BNIP1: variants seen among roughly 807,000 people sequenced by gnomAD.
BNIP1 encodes vesicle transport protein SEC20.
Under a neutral mutation model 28.5 loss-of-function variants are expected in BNIP1, and 25 were observed. That is an observed-to-expected ratio of 0.88 (90% CI 0.64 to 1.23). The LOEUF (loss-of-function observed/expected upper bound fraction) is 1.23, where lower values mean the gene tolerates loss of function less well. Ranked by LOEUF, BNIP1 falls within the 50% of genes most tolerant of loss-of-function variation. The pLI is 0.00. For synonymous variants in BNIP1, 118 were observed against 101.7 expected, an observed-to-expected ratio of 1.16 and a Z score of -0.96; for missense variants, 276 against 277.0, an observed-to-expected ratio of 1.00 and a Z score of 0.02.
intron 1 of BNIP1, among the ~76,000 whole-genome samples, chr5:173,145,915 G>T (rs979459860): frequency 6.6e-6 from 1 of 152,196 alleles, no homozygotes; most frequent in Non-Finnish European, 1.5e-5. Flanking sequence ...AGTGAAATTT[G>T]ATGCAGATAT....
Position 173,159,934 on chromosome 5 carries a change from A to G in BNIP1, c.373A>G (p.Lys125Glu), listed in dbSNP as rs1462096251. 2 of 1,613,748 alleles carry G rather than the reference A, an allele frequency of 1.2e-6. No individual in the cohort carries two copies. Among genetic ancestry groups the G allele is most frequent in the South Asian group, 1.1e-5 (1 of 91,028 alleles). The change falls in exon 5 of 6, where the codon AAA (lysine) becomes GAA (glutamate). Residue 125 changes from lysine (K) to glutamate (E), a missense_variant and splice_region_variant. Coordinates refer to ENST00000351486, the MANE Select transcript of BNIP1 (RefSeq NM_001205.3). ...CTTTCTCTTCCTCTGAACTTTTAGG[A>G]AAACCACCAAAGAGAGCCTGGCCCA... ...LQGGDLLRQR[K>E]TTKESLAQTS...
chr5:173,144,687 C>T (rs1759780201), intron 1 of BNIP1, 58 bp downstream of exon 1: 15 of 1,562,822 alleles, frequency 9.6e-6, no homozygotes, highest in Non-Finnish European at 1.3e-5. Context: ...CTCTGCTGGT[C>T]TGTGAGCTTG....
intron 3 of BNIP1, among the ~76,000 whole-genome samples, chr5:173,156,478 T>TAA (rs572261030): frequency 1.4e-5 from 2 of 143,718 alleles, no homozygotes; most frequent in Admixed American, 6.9e-5. Context: ...CCTCATCTAT[T>TAA]AAAAAAAAAA....
intron 2 of BNIP1, among the ~76,000 whole-genome samples, chr5:173,148,076 AAAAAAAAATATATATAT>A (rs1759894817): frequency 2.1e-5 from 1 of 46,830 alleles, no homozygotes; most frequent in Non-Finnish European, 3.8e-5. Context: ...AAAAAAAAAA[AAAAAAAAATATATATAT>A]ATATATATAT....
chr5:173,155,939 C>T (rs1415179281), intron 3 of BNIP1, among the ~76,000 whole-genome samples: 1 of 152,092 alleles, frequency 6.6e-6, no homozygotes, highest in African/African-American at 2.4e-5. Flanking sequence ...TTCTCTTTGT[C>T]TCTTGTTCAC....
At chr5:173,145,917 T>G (rs1158507978) in intron 1 of BNIP1, among the ~76,000 whole-genome samples, 1 of 152,236 alleles carries the variant, frequency 6.6e-6, no homozygotes, top group Non-Finnish European at 1.5e-5. Context: ...TGAAATTTGA[T>G]GCAGATATTT....
In BNIP1 at chr5:173,144,578, C is replaced by G; in HGVS notation, c.33C>G (p.Ile11Met). ...CTCCCCAAGACGTCCACGTCCGGAT[C>G]TGTAACCAAGAGATTGTCAAATTTG... MAAPQDVHVR[I>M]CNQEIVKFDL... is the part of the protein sequence containing the mutation. The change falls in exon 1 of 6, where the codon ATC becomes ATG. Residue 11 changes from isoleucine to methionine, a missense_variant. Transcript: ENST00000351486. 9 of 1,614,220 alleles carry G rather than the reference C, an allele frequency of 5.6e-6. No homozygotes were observed. Among genetic ancestry groups the G allele is most frequent in the Non-Finnish European group, 7.6e-6 (9 of 1,180,026 alleles).
chr5:173,150,599 TTATG>T (rs1247831269), intron 2 of BNIP1, among the ~76,000 whole-genome samples: 18 of 152,218 alleles, frequency 1.2e-4, no homozygotes, highest in Admixed American at 5.9e-4. Context: ...TTTACATGTT[TTATG>T]TATGTGTCTG....
At chr5:173,155,263 T>C (rs1760152961) in intron 3 of BNIP1, among the ~76,000 whole-genome samples, 1 of 152,246 alleles carries the variant, frequency 6.6e-6, no homozygotes. Flanking sequence ...TGTTATTGAA[T>C]TGGGAGAGGT....
At position 173,163,815 on chromosome 5, in the gene BNIP1, A is replaced by G. The variant is rs140286529; in HGVS notation, c.581A>G (p.Tyr194Cys). 1.2e-6 allele frequency: 2 copies of G among 1,613,990 alleles called. No homozygotes were observed. Among genetic ancestry groups the G allele is most frequent in the Non-Finnish European group, 1.7e-6 (2 of 1,179,940 alleles). The change falls in exon 6 of 6, where the codon TAC (tyrosine) becomes TGC (cysteine). Residue 194 changes from tyrosine to cysteine, a missense_variant. By Grantham distance (194) the Tyr-to-Cys change is radical (BLOSUM62 -2). Coordinates refer to ENST00000351486, the MANE Select transcript of BNIP1 (RefSeq NM_001205.3). ...CTGGGCCGGAAGCTTATCACAAAAT[A>G]CAATCGCCGGGAGCTGACGGACAAG... ...IQLGRKLITKYNRRELTDKLL... is the reference protein window; with the variant it reads ...IQLGRKLITKCNRRELTDKLL...
chr5:173,160,300 T>G (rs1393024945), intron 5 of BNIP1, among the ~76,000 whole-genome samples: 1 of 151,680 alleles, frequency 6.6e-6, no homozygotes, highest in Non-Finnish European at 1.5e-5. Flanking sequence ...AATGGTGCGA[T>G]CTCAGCTCAC....
At chr5:173,155,647 G>A (rs5745144) in intron 3 of BNIP1, among the ~76,000 whole-genome samples, 115 of 152,210 alleles carry the variant, frequency 7.6e-4, no homozygotes, top group African/African-American at 1.7e-3. Flanking sequence ...GCAGTGAGCC[G>A]AGATTGCTGC....
chr5:173,157,211 G>A (rs763882081), intron 3 of BNIP1, among the ~76,000 whole-genome samples: 7 of 152,168 alleles, frequency 4.6e-5, no homozygotes, highest in East Asian at 1.9e-4. Flanking sequence ...GTGAAATGGC[G>A]GAGCAGGTGC....
intron 2 of BNIP1, among the ~76,000 whole-genome samples, chr5:173,147,309 G>A (rs1170939812): frequency 6.6e-6 from 1 of 152,070 alleles, no homozygotes; most frequent in African/African-American, 2.4e-5. Flanking sequence ...GGAGGCTGAG[G>A]CAGGAGAATG....
intron 3 of BNIP1, 63 bp from the exon 4 acceptor site, chr5:173,158,681 G>A: frequency 7.3e-7 from 1 of 1,365,732 alleles, no homozygotes; most frequent in Non-Finnish European, 1.0e-6. Flanking sequence ...GAAGTGCTGT[G>A]AATTGAACTG....
At chr5:173,152,213 T>C (rs1025160436) in intron 2 of BNIP1, among the ~76,000 whole-genome samples, 27 of 152,220 alleles carry the variant, frequency 1.8e-4, no homozygotes, top group African/African-American at 6.0e-4. Flanking sequence ...TGTACATTTC[T>C]CCCCCTTTTT....
chr5:173,160,130 C>A, intron 5 of BNIP1, 79 bp downstream of exon 5: 3 of 1,311,016 alleles, frequency 2.3e-6, no homozygotes, highest in Non-Finnish European at 1.1e-6. Context: ...CCACTCTGGG[C>A]TCCTCCACCA....
chr5:173,150,384 G>A (rs765201592), intron 2 of BNIP1, among the ~76,000 whole-genome samples: 6 of 152,052 alleles, frequency 3.9e-5, no homozygotes, highest in Admixed American at 1.3e-4. Flanking sequence ...CTGGCCAGTT[G>A]GACCCCTGAG....
chr5:173,145,528 A>G (rs1456380666), intron 1 of BNIP1, among the ~76,000 whole-genome samples: 1 of 152,128 alleles, frequency 6.6e-6, no homozygotes, highest in Non-Finnish European at 1.5e-5. Context: ...CAGCCTCCTG[A>G]GTAGCTGGGA....
Sources: gnomAD v4.1 joint callset for allele counts (sites outside exome capture counted in the v4.1 genomes callset) on GRCh38, gnomAD v4.1.1 for gene constraint, MANE v1.5 for transcripts, NCBI Gene and HGNC (gene_info 2026-07-23, HGNC 2026-07-21) for gene names.